Variants in PLCE1 observed in about 807,000 individuals in gnomAD.
PLCE1 encodes the protein phospholipase C epsilon 1.
A neutral mutation model predicts 242.8 loss-of-function variants in PLCE1; 119 were observed. The ratio of observed to expected loss-of-function variants is 0.49; its 90% CI spans 0.42 to 0.57. PLCE1 has a LOEUF of 0.57. Ranked by LOEUF, PLCE1 falls within the 20% of genes least tolerant of loss-of-function variation. The pLI is 0.00. For synonymous variants in PLCE1, 945 were observed against 1,017.4 expected (o/e 0.93, Z 1.35); for missense variants, 2,441 against 2,788.8 (o/e 0.88, Z 2.81).
At chr10:94,190,871 T>C (rs2048639227) in intron 4 of PLCE1, among the ~76,000 whole-genome samples, 1 of 152,192 alleles carries the variant, frequency 6.6e-6, no homozygotes, top group Non-Finnish European at 1.5e-5. Flanking sequence ...GATACAGTTT[T>C]GGAATAATTG....
chr10:94,108,143 G>A (rs377351445), intron 2 of PLCE1, among the ~76,000 whole-genome samples: 9 of 152,326 alleles, frequency 5.9e-5, no homozygotes, highest in African/African-American at 2.2e-4. Flanking sequence ...AAGTGCAGCA[G>A]CAAGAACTGC....
Position 94,331,792 on chromosome 10 carries a change from T to A in PLCE1, c.*3849T>A, listed in dbSNP as rs1180155887. 6.6e-6 allele frequency: 1 copy of A among 152,040 alleles called. No individual in the cohort carries two copies. The highest frequency in any genetic ancestry group is 2.4e-5 in the African/African-American group (1 of 41,384). 9.4% of individuals were successfully genotyped at this position (152,040 alleles called of 1,614,324 possible). A position where few individuals can be genotyped will look rare whatever the true frequency, so the allele number is the denominator to read the frequency against. On this transcript the variant is annotated 3_prime_UTR_variant, in exon 33 of 33. Transcript: ENST00000371380. ...CTAAAAGCAATCCTTGGCTGATGGC[T>A]ATGGATTCTGACATAGGAATACCTG...
chr10:94,091,324 C>G lies in PLCE1; in HGVS notation c.1207-40850C>G, dbSNP rs77672180. ...ACAAAAAGGGTAAACAATGAAAAGC[C>G]TCCTCCATGGCATCTTAACACTCAG... On this transcript the variant is annotated intron_variant, in intron 2 of 32. Coordinates refer to ENST00000371380, the MANE Select transcript of PLCE1 (RefSeq NM_016341.4). 6.4e-3 allele frequency among the ~76,000 whole-genome samples: 975 copies of G among 152,216 alleles called. 8 individuals are homozygous for G. Among genetic ancestry groups the G allele is most frequent in the African/African-American group, 0.023 (942 of 41,524 alleles).
intron 1 of PLCE1, among the ~76,000 whole-genome samples, chr10:94,010,903 A>G (rs556627566): frequency 6.6e-6 from 1 of 152,340 alleles, no homozygotes; most frequent in South Asian, 2.1e-4. Flanking sequence ...TCTAAGAAGT[A>G]GCAAACTTTC....
At chr10:94,235,604 A>G in intron 6 of PLCE1, 1 of 325,916 alleles carries the variant, frequency 3.1e-6, no homozygotes, top group African/African-American at 2.2e-5. Context: ...GGATAAAATA[A>G]CCATGCTCTT....
intron 32 of PLCE1, 56 bp downstream of exon 32, chr10:94,325,160 A>G (rs2053963370): frequency 5.7e-6 from 7 of 1,221,236 alleles, no homozygotes; most frequent in Non-Finnish European, 8.5e-6. Flanking sequence ...CTACTTTGTA[A>G]GGAAGGCATA....
chr10:94,071,495 G>GTTTTTTTGTTTTTT (rs2044352365), intron 2 of PLCE1, among the ~76,000 whole-genome samples: 2 of 83,316 alleles, frequency 2.4e-5, no homozygotes, highest in African/African-American at 1.1e-4. Flanking sequence ...TTTGGTTTTC[G>GTTTTTTTGTTTTTT]TTTTTTTTTT....
At chr10:94,231,395 G>A (rs1353992547) in intron 5 of PLCE1, among the ~76,000 whole-genome samples, 1 of 152,134 alleles carries the variant, frequency 6.6e-6, no homozygotes, top group African/African-American at 2.4e-5. Flanking sequence ...TGGATTTAGT[G>A]GGATGAAATC....
intron 2 of PLCE1, among the ~76,000 whole-genome samples, chr10:94,072,292 T>C (rs946529466): frequency 2.0e-5 from 3 of 152,130 alleles, no homozygotes; most frequent in African/African-American, 7.2e-5. Context: ...TTTTTTGTTT[T>C]TTTAGATGGA....
chr10:94,145,760 G>A (rs1438003432), intron 3 of PLCE1, among the ~76,000 whole-genome samples: 1 of 151,998 alleles, frequency 6.6e-6, no homozygotes, highest in Admixed American at 6.6e-5. Context: ...GGACCCTGGA[G>A]TTGTATTCTG....
intron 13 of PLCE1, among the ~76,000 whole-genome samples, chr10:94,259,910 G>T (rs1176680594): frequency 6.6e-6 from 1 of 152,120 alleles, no homozygotes; most frequent in Admixed American, 6.6e-5. Context: ...GAGAACTTGT[G>T]CAGGAAAAAC....
At chr10:94,252,726 G>A (rs1036601458) in intron 9 of PLCE1, among the ~76,000 whole-genome samples, 1 of 152,136 alleles carries the variant, frequency 6.6e-6, no homozygotes, top group African/African-American at 2.4e-5. Flanking sequence ...AACACAGTGC[G>A]AGCTAAAAAG....
At position 94,031,415 on chromosome 10, in the gene PLCE1, T is replaced by A. The variant is rs1442592804; in HGVS notation, c.369T>A (p.Tyr123Ter). ...ATGGCCTTCCTCAGAGACAATTTTA[T>A]GAAATGTACAACTCTGTTGCTGAGG... Reference protein sequence around the residue: ...HQHGLPQRQFYEMYNSVAEED... With the variant: ...HQHGLPQRQF Residue 123 changes from tyrosine (Y) to a stop codon, truncating the protein, a stop_gained, in exon 2 of 33, where the codon TAT becomes TAA. Coordinates refer to ENST00000371380, the MANE Select transcript of PLCE1 (RefSeq NM_016341.4). LOFTEE classifies it high-confidence loss of function. 1 of 1,613,860 alleles carries A rather than the reference T, an allele frequency of 6.2e-7. No individual in the cohort carries two copies. Among genetic ancestry groups the A allele is most frequent in the Admixed American group, 1.7e-5 (1 of 59,968 alleles).
At chr10:94,228,903 C>T (rs1028430734) in intron 5 of PLCE1, among the ~76,000 whole-genome samples, 9 of 152,020 alleles carry the variant, frequency 5.9e-5, no homozygotes, top group African/African-American at 1.9e-4. Flanking sequence ...ACGTGTAGGC[C>T]GGGCACGGTG....
In PLCE1 at chr10:94,254,245, A is replaced by G. The variant is rs775231257; in HGVS notation, c.3335A>G (p.His1112Arg). The G allele has an allele frequency of 1.3e-4, 210 of 1,614,044 alleles. No homozygotes were observed. The highest frequency in any genetic ancestry group is 2.0e-4 in the Admixed American group (12 of 60,002). ...DEMATRKAKM[H>R]KECRSRSGSD... ...ATGGCAACCCGAAAGGCCAAGATGCACAAAGAGTGTCGAAGCCGGAGTGGT... is the reference window on the plus strand; with the variant it reads ...ATGGCAACCCGAAAGGCCAAGATGCGCAAAGAGTGTCGAAGCCGGAGTGGT... The change falls in exon 10 of 33, where the codon CAC becomes CGC. Residue 1112 changes from histidine (H) to arginine (R), a missense_variant. By Grantham distance (29) the His-to-Arg change is conservative. Around this residue, in one of 5 missense-constraint regions of PLCE1, gnomAD observed 1,004 missense variants for 1,322.7 expected, o/e 0.76. Coordinates refer to ENST00000371380, the MANE Select transcript of PLCE1 (RefSeq NM_016341.4).
chr10:94,307,998 C>T (rs578213715), intron 26 of PLCE1, among the ~76,000 whole-genome samples: 4 of 152,148 alleles, frequency 2.6e-5, no homozygotes, highest in Non-Finnish European at 4.4e-5. Context: ...TCCCCATGTA[C>T]GTAACACATG....
chr10:94,308,589 C>A lies in PLCE1; in HGVS notation c.5893C>A (p.His1965Asn). 2 of 1,603,922 alleles carry A rather than the reference C, an allele frequency of 1.2e-6. No individual in the cohort carries two copies. The highest frequency in any genetic ancestry group is 1.7e-6 in the Non-Finnish European group (2 of 1,170,780). The change falls in exon 27 of 33, where the codon CAT (histidine) becomes AAT (asparagine). Residue 1965 changes from histidine (H) to asparagine (N), a missense_variant. His to Asn is a moderately conservative substitution (Grantham distance 68). This residue lies in a region of PLCE1 where 1,004 missense variants were observed against 1,322.7 expected (regional missense o/e 0.76). Transcript: ENST00000371380. ...PLKALKRGYR[H>N]LQLRNLHNEV... ...ATTCTGTATTACTCCAGGATATCGA[C>A]ATCTTCAGCTGCGAAACCTTCACAA...
intron 19 of PLCE1, 72 bp downstream of exon 19, chr10:94,273,792 C>A (rs2051838373): frequency 4.5e-6 from 6 of 1,339,800 alleles, no homozygotes; most frequent in Admixed American, 3.4e-5. Context: ...ATCATTCTAA[C>A]CTTTCAGATG....
intron 7 of PLCE1, among the ~76,000 whole-genome samples, chr10:94,242,031 G>A (rs988140468): frequency 6.6e-6 from 1 of 152,116 alleles, no homozygotes; most frequent in Non-Finnish European, 1.5e-5. Flanking sequence ...CAGAGAGGTT[G>A]AGTGTTTTGA....
Sources: gnomAD v4.1 joint callset for allele counts (sites outside exome capture counted in the v4.1 genomes callset) on GRCh38, gnomAD v4.1.1 for gene constraint, gnomAD v4.1.1 regional missense constraint, MANE v1.5 for transcripts, NCBI Gene and HGNC (gene_info 2026-07-23, HGNC 2026-07-21) for gene names.